Variants in DSP observed in about 807,000 individuals in gnomAD.
DSP encodes 250/210 kDa paraneoplastic pemphigus antigen.
A neutral mutation model predicts 290.6 loss-of-function variants in DSP; 114 were observed. The observed-to-expected ratio is 0.39, with a 90% CI of 0.34 to 0.46. The LOEUF is 0.46. DSP is among the 20% of genes least tolerant of loss of function. DSP has a pLI of 0.99. For synonymous variants in DSP, 1,311 were observed against 1,316.4 expected, an observed-to-expected ratio of 1.00 and a Z score of 0.09; for missense variants, 3,230 against 3,495.8, an observed-to-expected ratio of 0.92 and a Z score of 1.92.
rs754783192 is a variant in DSP, at chr6:7,580,730, C to T, written c.4540C>T (p.Leu1514=). 4 of 1,613,872 alleles carry T rather than the reference C, an allele frequency of 2.5e-6. No individual in the cohort carries two copies. Among genetic ancestry groups the T allele is most frequent in the Non-Finnish European group, 3.4e-6 (4 of 1,179,964 alleles). The change falls in exon 23 of 24, where the codon CTG becomes TTG. Residue 1514 remains leucine, a synonymous_variant. Transcript: ENST00000379802. The surrounding 1 kb of genome is among the most constrained non-coding windows in gnomAD (Gnocchi z 4.2). Reference sequence around the variant, plus strand: ...GAGATTACAAAGGGTCCAGTATGACCTGCAGAAAGCAAACAGTAGTGCGAC... The same window carrying T: ...GAGATTACAAAGGGTCCAGTATGACTTGCAGAAAGCAAACAGTAGTGCGAC... The part of the protein sequence containing the change: ...NARLQRVQYD[L]QKANSSATET...
In DSP at chr6:7,586,643, TA is replaced by T. The variant is rs907221200; in HGVS notation, c.*770del. The T allele has an allele frequency of 1.3e-5, 2 of 152,362 alleles. No homozygotes were observed. Among genetic ancestry groups the T allele is most frequent in the South Asian group, 2.1e-4 (1 of 4,828 alleles). 9.4% of individuals were successfully genotyped at this position (152,362 alleles called of 1,614,324 possible). On this transcript the variant is annotated 3_prime_UTR_variant, in exon 24 of 24. Coordinates refer to ENST00000379802, the MANE Select transcript of DSP (RefSeq NM_004415.4). ...ATTTAGCATATTTTTATCATAGGTC[TA>T]AAAATATTTGTTTACTAAATACCTG...
chr6:7,552,345 C>T (rs931045703), intron 1 of DSP, among the ~76,000 whole-genome samples: 3 of 151,472 alleles, frequency 2.0e-5, no homozygotes, highest in Admixed American at 2.0e-4. Context: ...CATTTGAGGT[C>T]AGGAGTTTGA....
At chr6:7,567,724 A>C in intron 9 of DSP, 57 bp from the exon 10 acceptor site, 1 of 1,610,918 alleles carries the variant, frequency 6.2e-7, no homozygotes, top group South Asian at 1.1e-5. Flanking sequence ...CAGAACTACT[A>C]GATGAAATTG....
chr6:7,552,293 C>T (rs572296655), intron 1 of DSP, among the ~76,000 whole-genome samples: 1 of 152,026 alleles, frequency 6.6e-6, no homozygotes. Context: ...CGGTGGCTCA[C>T]GCCTGTAATC....
At position 7,585,466 on chromosome 6, in the gene DSP, G is replaced by C. The variant is rs1455237217; in HGVS notation, c.8204G>C (p.Gly2735Ala). ...RFLEFQYLTG[G>A]LVDPEVHGRI... ...CTGGAGTTCCAGTACCTCACGGGAG[G>C]TCTTGTTGACCCGGAAGTGCATGGG... The change falls in exon 24 of 24, where the codon GGT becomes GCT. Residue 2735 changes from glycine (G) to alanine (A), a missense_variant. Gly to Ala is a moderately conservative substitution (Grantham distance 60). Around this residue, in one of 5 missense-constraint regions of DSP, gnomAD observed 582 missense variants for 555.4 expected, o/e 1.05. Coordinates refer to ENST00000379802, the MANE Select transcript of DSP (RefSeq NM_004415.4). The C allele has an allele frequency of 6.2e-7, 1 of 1,614,150 alleles. No homozygotes were observed. Among genetic ancestry groups the C allele is most frequent in the Admixed American group, 1.7e-5 (1 of 60,016 alleles).
chr6:7,568,693 A>G, intron 11 of DSP, 104 bp downstream of exon 11: 2 of 1,256,440 alleles, frequency 1.6e-6, no homozygotes, highest in Non-Finnish European at 2.3e-6. Context: ...TAATCACCAC[A>G]GTCAATGTCT....
intron 1 of DSP, among the ~76,000 whole-genome samples, chr6:7,544,300 TG>T (rs1320070720): frequency 1.3e-5 from 2 of 152,222 alleles, no homozygotes; most frequent in Non-Finnish European, 2.9e-5. Context: ...GCAGTTTTTC[TG>T]GTGGCATTCT....
At position 7,576,280 on chromosome 6, in the gene DSP, C is replaced by T. The variant is rs1050258732; in HGVS notation, c.2631-14C>T. 2 of 1,612,718 alleles carry T rather than the reference C, an allele frequency of 1.2e-6. No homozygotes were observed. The highest frequency in any genetic ancestry group is 1.7e-6 in the Non-Finnish European group (2 of 1,178,854). On this transcript the variant is annotated splice_polypyrimidine_tract_variant and intron_variant, in intron 18 of 23. Transcript: ENST00000379802. ...TAATAAGATAATGATTTTATTGTAT[C>T]TATTTCCCCCCAGGTTATGGGACCT...
chr6:7,551,397 C>T (rs527719625), intron 1 of DSP, among the ~76,000 whole-genome samples: 2 of 152,178 alleles, frequency 1.3e-5, no homozygotes, highest in African/African-American at 4.8e-5. Flanking sequence ...GAGGCCAAGG[C>T]GGGTGGATCC....
chr6:7,548,811 A>G (rs1581784948), intron 1 of DSP, among the ~76,000 whole-genome samples: 1 of 152,280 alleles, frequency 6.6e-6, no homozygotes, highest in South Asian at 2.1e-4. Context: ...AAATCAGGGT[A>G]ATGAGATGAG....
Position 7,580,978 on chromosome 6 carries a change from A to G in DSP, c.4788A>G (p.Glu1596=), listed in dbSNP as rs1759417158. The change falls in exon 23 of 24, where the codon GAA becomes GAG. Residue 1596 remains glutamate, a synonymous_variant. Coordinates refer to ENST00000379802, the MANE Select transcript of DSP (RefSeq NM_004415.4). This position sits in a 1 kb window ranked among gnomAD's most constrained non-coding sequence, Gnocchi z 4.2. Reference sequence around the variant, plus strand: ...CCTGCAAGAGGAAGAAGCTGGAGGAAGAGCTGGAAGGCATGAGGAGGTCGC... The same window carrying G: ...CCTGCAAGAGGAAGAAGCTGGAGGAGGAGCTGGAAGGCATGAGGAGGTCGC... The part of the protein sequence containing the change: ...EDSCKRKKLE[E]ELEGMRRSLK... 1 of 1,614,120 alleles carries G rather than the reference A, an allele frequency of 6.2e-7. No homozygotes were observed. Among genetic ancestry groups the G allele is most frequent in the South Asian group, 1.1e-5 (1 of 91,086 alleles).
In DSP at chr6:7,581,083, T is replaced by C. The variant is rs775633446; in HGVS notation, c.4893T>C (p.Asp1631=). ...QASIVKKRSE[D]DLRQQRDVLD... ...CCATTGTTAAGAAGAGGAGTGAGGA[T>C]GACCTCCGGCAGCAGAGGGACGTGC... Residue 1631 remains aspartate (D), a synonymous_variant, in exon 23 of 24, where the codon GAT becomes GAC. Transcript: ENST00000379802. The C allele has an allele frequency of 1.2e-6, 2 of 1,613,982 alleles. No individual in the cohort carries two copies. The highest frequency in any genetic ancestry group is 2.2e-5 in the South Asian group (2 of 91,074).
intron 1 of DSP, among the ~76,000 whole-genome samples, chr6:7,543,138 C>T (rs1270752672): frequency 1.3e-5 from 2 of 152,268 alleles, no homozygotes; most frequent in African/African-American, 4.8e-5. Context: ...GTGAGCCGTG[C>T]GCGTTTTGCA....
At position 7,555,830 on chromosome 6, in the gene DSP, C is replaced by G. The variant is rs56148603; in HGVS notation, c.273+10C>G. On this transcript the variant is annotated intron_variant, in intron 2 of 23. Transcript: ENST00000379802. ...GCTCATCGTGCAGCCTGTAAGCTTTCCCTGTTCCCATCGCTTCTCCCAAAG... is the reference window on the plus strand; with the variant it reads ...GCTCATCGTGCAGCCTGTAAGCTTTGCCTGTTCCCATCGCTTCTCCCAAAG... 1.9e-6 allele frequency: 3 copies of G among 1,612,636 alleles called. No homozygotes were observed. The East Asian group carries it at 6.7e-5, about 36-fold the overall frequency.
Position 7,583,085 on chromosome 6 carries a change from A to G in DSP, c.5823A>G (p.Lys1941=), listed in dbSNP as rs1008403421. ...CCCGATATCAGAGGGAGATTGATAA[A>G]CTCAGACAGCGCCCATATGGGTCCC... is the stretch of plus-strand genomic sequence containing the variant. The part of the protein sequence containing the change: ...ERSRYQREID[K]LRQRPYGSHR... Residue 1941 remains lysine (K), a synonymous_variant, in exon 24 of 24, where the codon AAA becomes AAG. Transcript: ENST00000379802. The surrounding 1 kb of genome is among the most constrained non-coding windows in gnomAD (Gnocchi z 4.0). 1.9e-6 allele frequency: 3 copies of G among 1,613,854 alleles called. No individual in the cohort carries two copies. In the African/African-American group the frequency reaches 4.0e-5, roughly 22 times the overall value.
In DSP at chr6:7,583,872, CAGAAG is replaced by C; in HGVS notation, c.6616_6620del (p.Arg2206HisfsTer14). The C allele has an allele frequency of 6.2e-7, 1 of 1,614,114 alleles. No homozygotes were observed. The highest frequency in any genetic ancestry group is 8.5e-7 in the Non-Finnish European group (1 of 1,180,016). On this transcript the variant is annotated frameshift_variant, in exon 24 of 24. Transcript: ENST00000379802. LOFTEE classifies it high-confidence loss of function. This position sits in a 1 kb window ranked among gnomAD's most constrained non-coding sequence, Gnocchi z 4.0. ...TACTGGTCTGCTCTTGCTTTCAGTA[CAGAAG>C]AGAAGCATGTCCTTCCAAGGAATCA... is the stretch of plus-strand genomic sequence containing the variant.
rs370063434 is a variant in DSP at position 7,580,563 on chromosome 6, G to T, written c.4373G>T (p.Arg1458Leu). Residue 1458 changes from arginine to leucine, a missense_variant, in exon 23 of 24, where the codon CGA (arginine) becomes CTA (leucine). By Grantham distance (102) the Arg-to-Leu change is moderately radical. Coordinates refer to ENST00000379802, the MANE Select transcript of DSP (RefSeq NM_004415.4). The surrounding 1 kb of genome is among the most constrained non-coding windows in gnomAD (Gnocchi z 4.2). ...GAGCTGAGACAAGTCACTCAGATGC[G>T]AACAGAGGAGAGCGTAAGATATAAG... ...EVELRQVTQM[R>L]TEESVRYKQS... 3 of 1,613,978 alleles carry T rather than the reference G, an allele frequency of 1.9e-6. No homozygotes were observed. The African/African-American group carries it at 4.0e-5, about 22-fold the overall frequency.
At chr6:7,556,965 C>T (rs1421234142) in intron 2 of DSP, among the ~76,000 whole-genome samples, 1 of 152,188 alleles carries the variant, frequency 6.6e-6, no homozygotes, top group Non-Finnish European at 1.5e-5. Flanking sequence ...ACATGTAGCT[C>T]TGAAAATTTT....
chr6:7,579,169 A>C lies in DSP; in HGVS notation c.3085-106A>C. The C allele has an allele frequency of 6.8e-7, 1 of 1,472,998 alleles. No individual in the cohort carries two copies. Among genetic ancestry groups the C allele is most frequent in the Non-Finnish European group, 9.3e-7 (1 of 1,080,704 alleles). 91.2% of individuals were successfully genotyped at this position (1,472,998 alleles called of 1,614,324 possible). A position where few individuals can be genotyped will look rare whatever the true frequency, so the allele number is the denominator to read the frequency against. ...TCTTTGCATGTATGTCCATGTGTGT[A>C]AAGAGAAATAAGAATGCACATTGGT... is the stretch of plus-strand genomic sequence containing the variant. On this transcript the variant is annotated intron_variant, in intron 22 of 23. Coordinates refer to ENST00000379802, the MANE Select transcript of DSP (RefSeq NM_004415.4). This position sits in a 1 kb window ranked among gnomAD's most constrained non-coding sequence, Gnocchi z 4.1.
Sources: gnomAD v4.1 joint callset for allele counts (sites outside exome capture counted in the v4.1 genomes callset) on GRCh38, gnomAD v4.1.1 for gene constraint, gnomAD v4.1.1 regional missense constraint, Gnocchi (gnomAD v3.1) non-coding constraint, MANE v1.5 for transcripts, NCBI Gene and HGNC (gene_info 2026-07-23, HGNC 2026-07-21) for gene names.